Variants in PLEKHA5 observed in about 807,000 individuals in gnomAD.
PLEKHA5 encodes the protein pleckstrin homology domain containing A5.
PLEKHA5 carries 55 observed loss-of-function variants against 181.9 expected under a neutral mutation model. The ratio of observed to expected loss-of-function variants is 0.30; its 90% confidence interval spans 0.24 to 0.38. PLEKHA5 has a LOEUF of 0.38. PLEKHA5 is among the 10% of genes least tolerant of loss of function. PLEKHA5 has a pLI of 1.00. For synonymous variants in PLEKHA5, 535 were observed against 529.4 expected (o/e 1.01, Z -0.15); for missense variants, 1,432 against 1,549.5 (o/e 0.92, Z 1.27).
chr12:19,257,331 GT>G, intron 5 of PLEKHA5, 101 bp from the exon 6 acceptor site: 1 of 616,748 alleles, frequency 1.6e-6, no homozygotes, highest in Non-Finnish European at 2.8e-6. Flanking sequence ...AGTCCTGCAA[GT>G]CTTGGGAAAA....
chr12:19,202,791 A>G (rs951360310), intron 3 of PLEKHA5, among the ~76,000 whole-genome samples: 2 of 152,078 alleles, frequency 1.3e-5, no homozygotes, highest in Non-Finnish European at 2.9e-5. Flanking sequence ...TATCAGATGG[A>G]AGGCAGATAC....
At chr12:19,201,952 T>G in intron 3 of PLEKHA5, 6 of 647,096 alleles carry the variant, frequency 9.3e-6, no homozygotes, top group Non-Finnish European at 1.2e-5. Flanking sequence ...GTGGGTTTAA[T>G]GAAATGTGAA....
chr12:19,347,773 C>T (rs1380857242), intron 24 of PLEKHA5, among the ~76,000 whole-genome samples: 1 of 151,902 alleles, frequency 6.6e-6, no homozygotes, highest in Non-Finnish European at 1.5e-5. Context: ...ATGGGCCTCA[C>T]TTAGACTACC....
chr12:19,350,832 T>C (rs1256540001), intron 25 of PLEKHA5, among the ~76,000 whole-genome samples: 3 of 152,166 alleles, frequency 2.0e-5, no homozygotes, highest in Admixed American at 1.3e-4. Flanking sequence ...CTTTTTTCAT[T>C]GTTGGAATAT....
intron 3 of PLEKHA5, among the ~76,000 whole-genome samples, chr12:19,137,256 C>G (rs1164131510): frequency 6.6e-6 from 1 of 152,074 alleles, no homozygotes; most frequent in Non-Finnish European, 1.5e-5. Flanking sequence ...AGGCTGGTCT[C>G]AAACTCCTGA....
chr12:19,339,330 C>T (rs1463248873), intron 21 of PLEKHA5, among the ~76,000 whole-genome samples: 3 of 152,082 alleles, frequency 2.0e-5, no homozygotes, highest in Non-Finnish European at 4.4e-5. Flanking sequence ...CATGAGCCAC[C>T]GTGCCCGGCT....
At chr12:19,244,413 C>T (rs1158464284) in intron 3 of PLEKHA5, among the ~76,000 whole-genome samples, 1 of 152,212 alleles carries the variant, frequency 6.6e-6, no homozygotes, top group African/African-American at 2.4e-5. Context: ...TAGAGAAATA[C>T]AGTAGCTTCC....
chr12:19,261,418 T>A (rs945203608), intron 7 of PLEKHA5, among the ~76,000 whole-genome samples: 12 of 152,212 alleles, frequency 7.9e-5, no homozygotes, highest in African/African-American at 2.9e-4. Flanking sequence ...GGACTACTAT[T>A]ATGTAATGGC....
At chr12:19,257,373 A>G in intron 5 of PLEKHA5, 60 bp from the exon 6 acceptor site, 3 of 750,340 alleles carry the variant, frequency 4.0e-6, no homozygotes, top group Non-Finnish European at 6.7e-6. Flanking sequence ...TAAGAGGAAG[A>G]TAAGCTCAAA....
At chr12:19,361,181 T>TTTTG (rs200236303) in intron 28 of PLEKHA5, among the ~76,000 whole-genome samples, 35 of 152,264 alleles carry the variant, frequency 2.3e-4, no homozygotes, top group African/African-American at 7.5e-4. Flanking sequence ...TTATTTATTT[T>TTTTG]TTTGTTTGTT....
intron 3 of PLEKHA5, among the ~76,000 whole-genome samples, chr12:19,231,116 T>C (rs892328901): frequency 6.6e-6 from 1 of 152,168 alleles, no homozygotes; most frequent in African/African-American, 2.4e-5. Context: ...AACAGGAGTT[T>C]CTTAATAAGT....
chr12:19,332,438 A>C (rs910851628), intron 20 of PLEKHA5, among the ~76,000 whole-genome samples: 1 of 152,238 alleles, frequency 6.6e-6, no homozygotes, highest in Non-Finnish European at 1.5e-5. Context: ...CTCTCCCAAA[A>C]GGAACACTGC....
chr12:19,137,425 C>T (rs113177000), intron 3 of PLEKHA5, among the ~76,000 whole-genome samples: 4,066 of 152,212 alleles, frequency 0.027, 183 homozygotes, highest in African/African-American at 0.093. Flanking sequence ...ATTTCTTTTC[C>T]ATATTTATAA....
chr12:19,232,769 T>C (rs889723648), intron 3 of PLEKHA5, among the ~76,000 whole-genome samples: 1 of 152,104 alleles, frequency 6.6e-6, no homozygotes, highest in Non-Finnish European at 1.5e-5. Context: ...ACCAAGATGA[T>C]AGCATGGAGC....
intron 16 of PLEKHA5, among the ~76,000 whole-genome samples, chr12:19,316,745 G>C (rs1402862206): frequency 6.6e-6 from 1 of 152,114 alleles, no homozygotes; most frequent in South Asian, 2.1e-4. Context: ...AGATTAAAGT[G>C]ACAGCCCGAC....
At chr12:19,351,128 G>T (rs1235273882) in intron 25 of PLEKHA5, among the ~76,000 whole-genome samples, 2 of 151,682 alleles carry the variant, frequency 1.3e-5, no homozygotes, top group Admixed American at 1.3e-4. Context: ...TAGAGACAGG[G>T]TTTCACCATG....
At chr12:19,265,069 A>C (rs1003208395) in intron 7 of PLEKHA5, among the ~76,000 whole-genome samples, 3 of 152,208 alleles carry the variant, frequency 2.0e-5, no homozygotes, top group African/African-American at 7.2e-5. Context: ...TGTATATCAG[A>C]ATGATTAGTA....
At chr12:19,160,162 CTTT>C (rs2042642759) in intron 3 of PLEKHA5, among the ~76,000 whole-genome samples, 1 of 151,712 alleles carries the variant, frequency 6.6e-6, no homozygotes, top group African/African-American at 2.4e-5. Context: ...TTAGTTTTTT[CTTT>C]TATTTCTCTT....
chr12:19,270,155 A>G, intron 9 of PLEKHA5, 33 bp from the exon 10 acceptor site: 3 of 1,373,078 alleles, frequency 2.2e-6, no homozygotes, highest in Non-Finnish European at 2.9e-6. Context: ...CCAGAATCCT[A>G]ACATTCAAAC....
Sources: gnomAD v4.1 joint callset for allele counts (sites outside exome capture counted in the v4.1 genomes callset) on GRCh38, gnomAD v4.1.1 for gene constraint, MANE v1.5 for transcripts, NCBI Gene and HGNC (gene_info 2026-07-23, HGNC 2026-07-21) for gene names.